CEP170B: variants seen among roughly 807,000 people sequenced by gnomAD.
The protein encoded by CEP170B is centrosomal protein 170B.
In CEP170B, 55 loss-of-function variants were observed where a neutral mutation model predicts 120.6. The observed-to-expected ratio is 0.46, with a 90% confidence interval of 0.37 to 0.57. CEP170B has a LOEUF of 0.57. Among genes scored for constraint, CEP170B ranks in the 20% least tolerant of loss-of-function variants. The pLI is 0.00. For synonymous variants in CEP170B, 1,033 were observed against 954.5 expected, an observed-to-expected ratio of 1.08 and a Z score of -1.52; for missense variants, 2,212 against 2,253.3, an observed-to-expected ratio of 0.98 and a Z score of 0.37.
chr14:104,873,458 G>A (rs1255174698), intron 2 of CEP170B, among the ~76,000 whole-genome samples: 1 of 152,054 alleles, frequency 6.6e-6, no homozygotes, highest in Non-Finnish European at 1.5e-5. Context: ...AGGCTTTGGG[G>A]CCTGCGGGAA....
Position 104,883,298 on chromosome 14 carries a change from A to G in CEP170B, c.841A>G (p.Met281Val). 6.2e-7 allele frequency: 1 copy of G among 1,611,994 alleles called. No individual in the cohort carries two copies. Among genetic ancestry groups the G allele is most frequent in the Non-Finnish European group, 8.5e-7 (1 of 1,179,698 alleles). The change falls in exon 8 of 19, where the codon ATG becomes GTG. Residue 281 changes from methionine (M) to valine (V), a missense_variant. Physicochemically the swap from Met to Val is conservative, Grantham distance 21 (BLOSUM62 1). This residue lies in a region of CEP170B where 2,166 missense variants were observed against 2,166.7 expected (regional missense o/e 1.00). Coordinates refer to ENST00000414716, the MANE Select transcript of CEP170B (RefSeq NM_001112726.3). ...GTTTGATGACTGCAGCCCTGGCAAGATGAAGATCAAGGACCATATCACCAA... is the reference window on the plus strand; with the variant it reads ...GTTTGATGACTGCAGCCCTGGCAAGGTGAAGATCAAGGACCATATCACCAA... ...IEFDDCSPGK[M>V]KIKDHITKFS...
intron 2 of CEP170B, among the ~76,000 whole-genome samples, chr14:104,875,933 G>A (rs1038927012): frequency 2.0e-5 from 3 of 152,202 alleles, no homozygotes; most frequent in Admixed American, 6.5e-5. Flanking sequence ...CGCCAGCCTG[G>A]CTGCCGCCAC....
rs759297564 is a variant in CEP170B, at chr14:104,880,308, C to T, written c.355C>T (p.Leu119=). The T allele has an allele frequency of 2.5e-6, 4 of 1,606,406 alleles. No individual in the cohort carries two copies. In the South Asian group the frequency reaches 4.5e-5, roughly 18 times the overall value. Residue 119 remains leucine, a synonymous_variant, in exon 6 of 19, where the codon CTG becomes TTG. Coordinates refer to ENST00000414716, the MANE Select transcript of CEP170B (RefSeq NM_001112726.3). The part of the protein sequence containing the change: ...ALKHEKYTSQ[L]QVSVKGLAPK... ...ACAGCATGAAAAGTACACCAGCCAG[C>T]TGCAGGTGAGCGTGAAGGGTTTGGC... is the stretch of plus-strand genomic sequence containing the variant.
intron 5 of CEP170B, 144 bp downstream of exon 5, chr14:104,878,645 GC>G: frequency 1.2e-6 from 1 of 813,930 alleles, no homozygotes; most frequent in Non-Finnish European, 2.0e-6. Context: ...CATGAGTCAG[GC>G]CAGCCTGTCC....
chr14:104,878,409 C>G, intron 4 of CEP170B, 34 bp from the exon 5 acceptor site: 1 of 1,608,454 alleles, frequency 6.2e-7, no homozygotes, highest in Non-Finnish European at 8.5e-7. Context: ...GCTCCTGGCT[C>G]TTCTGCTCTG....
At chr14:104,890,665 A>AGTGGGTGGATGGATGGGTGAGTGG (rs1896795124) in intron 13 of CEP170B, among the ~76,000 whole-genome samples, 3 of 40,626 alleles carry the variant, frequency 7.4e-5, no homozygotes, top group Admixed American at 2.7e-4. Context: ...TGGATGAGTG[A>AGTGGGTGGATGGATGGGTGAGTGG]GTGGGTGGAT....
chr14:104,894,625 T>A, intron 18 of CEP170B, 37 bp downstream of exon 18: 2 of 1,602,628 alleles, frequency 1.2e-6, no homozygotes, highest in Non-Finnish European at 1.7e-6. Flanking sequence ...CAAGGGAGGC[T>A]GGCAGGGCCT....
At position 104,887,814 on chromosome 14, in the gene CEP170B, G is replaced by A. The variant is rs370992679; in HGVS notation, c.3575G>A (p.Arg1192His). The change falls in exon 12 of 19, where the codon CGC becomes CAC. Residue 1192 changes from arginine to histidine, a missense_variant. By Grantham distance (29) the Arg-to-His change is conservative. This residue lies in a region of CEP170B where 2,166 missense variants were observed against 2,166.7 expected (regional missense o/e 1.00). Coordinates refer to ENST00000414716, the MANE Select transcript of CEP170B (RefSeq NM_001112726.3). ...AGTGACCCCGAGGCAGCCCCTGCCC[G>A]CACCAGCTTCTCTGGCCGCAGTGTG... is the stretch of plus-strand genomic sequence containing the variant. ...GTSDPEAAPA[R>H]TSFSGRSVEL... 248 of 1,586,068 alleles carry A rather than the reference G, an allele frequency of 1.6e-4. No individual in the cohort carries two copies. The highest frequency in any genetic ancestry group is 1.9e-4 in the Non-Finnish European group (222 of 1,169,396).
At chr14:104,864,681 G>C (rs1046327553), upstream of CEP170B, among the ~76,000 whole-genome samples, 3 of 151,670 alleles carry the variant, frequency 2.0e-5, no homozygotes, top group Non-Finnish European at 4.4e-5. The surrounding 1 kb of genome is among the most constrained non-coding windows in gnomAD (Gnocchi z 5.9). Context: ...GCTCAGCCCA[G>C]AGCGCCCGGG....
intron 4 of CEP170B, 119 bp downstream of exon 4, chr14:104,878,082 A>G (rs34009344): frequency 0.5 from 402,676 of 805,890 alleles, 109,041 homozygotes; most frequent in Middle Eastern, 0.64. Context: ...ACAGAGCACC[A>G]AGGATGACCC....
At position 104,870,366 on chromosome 14, in the gene CEP170B, C is replaced by T. The variant is rs766330902; in HGVS notation, c.105+1811C>T. 2.6e-5 allele frequency among the ~76,000 whole-genome samples: 4 copies of T among 152,214 alleles called. No homozygotes were observed. Among genetic ancestry groups the T allele is most frequent in the Non-Finnish European group, 2.9e-5 (2 of 68,034 alleles). On this transcript the variant is annotated intron_variant, in intron 2 of 18. Transcript: ENST00000414716. The surrounding 1 kb of genome is among the most constrained non-coding windows in gnomAD (Gnocchi z 4.1). The stretch of plus-strand genomic sequence containing the variant: ...AGTTCTCAAGCCATCTAAAGACAGG[C>T]GGCAGGCCATAGGCCACGCCCCACA...
At chr14:104,882,118 G>A (rs561988310) in intron 6 of CEP170B, among the ~76,000 whole-genome samples, 2 of 152,286 alleles carry the variant, frequency 1.3e-5, no homozygotes, top group South Asian at 4.1e-4. Flanking sequence ...CATCAGGAAG[G>A]GCTGGGCTGC....
chr14:104,869,327 G>A (rs576387273), intron 2 of CEP170B, among the ~76,000 whole-genome samples: 162 of 152,316 alleles, frequency 1.1e-3, no homozygotes, highest in Middle Eastern at 3.4e-3. Context: ...GCACTGTCCA[G>A]TCTAGCCGAG....
At position 104,870,458 on chromosome 14, in the gene CEP170B, T is replaced by C. The variant is rs1895418361; in HGVS notation, c.105+1903T>C. ...TGCTCCCATGGTCTGCGTACAGGGG[T>C]GGCATCAGTGATGGCCGCGCTGCTC... On this transcript the variant is annotated intron_variant, in intron 2 of 18. Transcript: ENST00000414716. This position sits in a 1 kb window ranked among gnomAD's most constrained non-coding sequence, Gnocchi z 4.1. Among the ~76,000 whole-genome samples the C allele has an allele frequency of 6.6e-6, 1 of 152,136 alleles. No homozygotes were observed. Among genetic ancestry groups the C allele is most frequent in the African/African-American group, 2.4e-5 (1 of 41,430 alleles).
chr14:104,881,715 G>C (rs1165454926), intron 6 of CEP170B, among the ~76,000 whole-genome samples: 1 of 152,194 alleles, frequency 6.6e-6, no homozygotes, highest in Non-Finnish European at 1.5e-5. Flanking sequence ...CCAAGGAGGA[G>C]TTCAGGGCCG....
In CEP170B at chr14:104,894,262, C is replaced by T. The variant is rs757405423; in HGVS notation, c.4272-23C>T. On this transcript the variant is annotated intron_variant, in intron 16 of 18. Transcript: ENST00000414716. ...CATCTCTGTCCTTGTCCCCCCATTTCTGCCTCCCCCTACCTCGGACAGGAT... is the reference window on the plus strand; with the variant it reads ...CATCTCTGTCCTTGTCCCCCCATTTTTGCCTCCCCCTACCTCGGACAGGAT... The T allele has an allele frequency of 5.7e-6, 9 of 1,573,076 alleles. No individual in the cohort carries two copies. The South Asian group carries it at 1.0e-4, about 17-fold the overall frequency.
Position 104,886,607 on chromosome 14 carries a change from G to C in CEP170B, c.2368G>C (p.Gly790Arg), listed in dbSNP as rs185809405. ...SRGRRSPRAP[G>R]EPTPASFFIG... ...GGGTCGGCGCTCACCAAGGGCCCCC[G>C]GGGAGCCAACTCCCGCCTCTTTCTT... The change falls in exon 12 of 19, where the codon GGG becomes CGG. Residue 790 changes from glycine (G) to arginine (R), a missense_variant. Coordinates refer to ENST00000414716, the MANE Select transcript of CEP170B (RefSeq NM_001112726.3). 5.9e-6 allele frequency: 9 copies of C among 1,518,868 alleles called. No homozygotes were observed. Among genetic ancestry groups the C allele is most frequent in the Non-Finnish European group, 7.9e-6 (9 of 1,136,192 alleles). 94.1% of individuals were successfully genotyped at this position (1,518,868 alleles called of 1,614,324 possible).
chr14:104,873,649 C>G (rs1050996275), intron 2 of CEP170B, among the ~76,000 whole-genome samples: 1 of 152,008 alleles, frequency 6.6e-6, no homozygotes, highest in Non-Finnish European at 1.5e-5. Context: ...CCCAGCGGGT[C>G]TGAGGCTAGG....
At position 104,883,103 on chromosome 14, in the gene CEP170B, G is replaced by A. The variant is rs1371368312; in HGVS notation, c.646G>A (p.Gly216Ser). Residue 216 changes from glycine (G) to serine (S), a missense_variant, in exon 8 of 19, where the codon GGC (glycine) becomes AGC (serine). Gly to Ser is a moderately conservative substitution (Grantham distance 56). Transcript: ENST00000414716. The part of the protein sequence containing the change: ...HGFRAPAEPQ[G>S]CSFRREPSYF... ...CTTCCGCGCCCCTGCTGAGCCTCAG[G>A]GCTGCTCGTTCCGGCGGGAGCCCAG... 6.3e-7 allele frequency: 1 copy of A among 1,584,670 alleles called. No individual in the cohort carries two copies. The highest frequency in any genetic ancestry group is 1.8e-5 in the Admixed American group (1 of 56,408).
Sources: allele counts gnomAD v4.1 joint callset (sites outside exome capture counted in the v4.1 genomes callset), GRCh38; gene constraint gnomAD v4.1.1; regional missense constraint gnomAD v4.1.1; non-coding constraint Gnocchi (gnomAD v3.1); transcripts MANE v1.5; gene names NCBI Gene and HGNC (gene_info 2026-07-23, HGNC 2026-07-21).